NRXN1: variants seen among roughly 807,000 people sequenced by gnomAD.
NRXN1 encodes neurexin-1.
A neutral mutation model predicts 150.9 loss-of-function variants in NRXN1; 39 were observed. The ratio of observed to expected loss-of-function variants is 0.26; its 90% CI spans 0.20 to 0.34. The LOEUF is 0.34. NRXN1 is among the 10% of genes least tolerant of loss of function. The pLI, the probability that NRXN1 is intolerant of heterozygous loss-of-function variation, is 1.00. For synonymous variants in NRXN1, 924 were observed against 757.0 expected (o/e 1.22, Z -3.62); for missense variants, 1,815 against 1,949.9 (o/e 0.93, Z 1.30).
chr2:50,877,331 T>A (rs1678752826), intron 5 of NRXN1, among the ~76,000 whole-genome samples: 1 of 151,916 alleles, frequency 6.6e-6, no homozygotes, highest in African/African-American at 2.4e-5. Context: ...TCCGTTCTAG[T>A]CTCAGTGCTT....
At position 49,922,235 on chromosome 2, in the gene NRXN1, T is replaced by G. The variant is rs199973187; in HGVS notation, c.4233A>C (p.Ala1411=). The change falls in exon 23 of 23, where the codon GCA becomes GCC. Residue 1411 remains alanine (A), a synonymous_variant. Transcript: ENST00000401669. ...SSGGLANPTR[A]GGREPYPGSA... ...AGCCTGGATACGGCTCTCTGCCGCC[T>G]GCTCGGGTTGGGTTGGCTATAGAAA... 20 of 1,613,730 alleles carry G rather than the reference T, an allele frequency of 1.2e-5. No individual in the cohort carries two copies. Among genetic ancestry groups the G allele is most frequent in the Non-Finnish European group, 8.5e-7 (1 of 1,179,866 alleles).
chr2:50,956,266 A>G (rs1388934473), intron 2 of NRXN1, among the ~76,000 whole-genome samples: 1 of 152,170 alleles, frequency 6.6e-6, no homozygotes, highest in Non-Finnish European at 1.5e-5. Context: ...TATTTTATAA[A>G]TGAAATTTTG....
intron 5 of NRXN1, among the ~76,000 whole-genome samples, chr2:50,690,011 G>C (rs981994727): frequency 3.3e-5 from 5 of 151,732 alleles, no homozygotes; most frequent in Non-Finnish European, 5.9e-5. Flanking sequence ...CTCAGCCCTG[G>C]GAGTAGGTGG....
chr2:50,417,404 T>G (rs2083623116), intron 17 of NRXN1: 1 of 152,158 alleles, frequency 6.6e-6, no homozygotes, highest in Non-Finnish European at 1.5e-5. Flanking sequence ...TTTGTTTTCC[T>G]AAAGCTTCTG....
chr2:50,245,150 C>A (rs2066379326), intron 17 of NRXN1, among the ~76,000 whole-genome samples: 1 of 151,898 alleles, frequency 6.6e-6, no homozygotes, highest in Admixed American at 6.6e-5. Flanking sequence ...CCTCCAGGAA[C>A]AGTTGAGTTC....
intron 18 of NRXN1, among the ~76,000 whole-genome samples, chr2:50,113,911 G>A (rs567965115): frequency 4.6e-5 from 7 of 152,206 alleles, no homozygotes; most frequent in East Asian, 1.9e-4. Flanking sequence ...GTATCTCTAT[G>A]TACACAGGAG....
intron 18 of NRXN1, among the ~76,000 whole-genome samples, chr2:50,133,651 A>C (rs1055309815): frequency 3.3e-5 from 5 of 152,230 alleles, no homozygotes; most frequent in Non-Finnish European, 7.3e-5. Context: ...AAGGGAGAAG[A>C]AAAACTTCTA....
At chr2:49,975,260 TAGAAGAAAAATTA>T (rs1172562933) in intron 21 of NRXN1, among the ~76,000 whole-genome samples, 71 of 152,050 alleles carry the variant, frequency 4.7e-4, no homozygotes, top group Admixed American at 4.6e-3. Flanking sequence ...ATAAAATTTC[TAGAAGAAAAATTA>T]CCCTAGCCAC....
intron 17 of NRXN1, among the ~76,000 whole-genome samples, chr2:50,457,067 CAGAA>C (rs1337406952): frequency 2.0e-5 from 3 of 152,174 alleles, no homozygotes; most frequent in Admixed American, 1.3e-4. Flanking sequence ...TTGAGAAACT[CAGAA>C]AGGCTGTCAT....
rs1677253907 is a variant in NRXN1, at chr2:50,607,096, A to T, written c.1320+12926T>A. On this transcript the variant is annotated intron_variant, in intron 8 of 22. Transcript: ENST00000401669. ...TAGCCTCCAAACACAAATTCAGTTT[A>T]GGGGAAGATAGTGTGAAAAGGGATA... 2.6e-5 allele frequency among the ~76,000 whole-genome samples: 4 copies of T among 152,296 alleles called. No individual in the cohort carries two copies. The South Asian group carries it at 8.3e-4, about 32-fold the overall frequency.
chr2:50,253,182 G>C (rs1482589719), intron 17 of NRXN1, among the ~76,000 whole-genome samples: 1 of 152,026 alleles, frequency 6.6e-6, no homozygotes, highest in African/African-American at 2.4e-5. Flanking sequence ...AATTGTGAAT[G>C]GGAGTTCATT....
At chr2:49,948,186 T>G (rs1014055278) in intron 21 of NRXN1, among the ~76,000 whole-genome samples, 1 of 152,084 alleles carries the variant, frequency 6.6e-6, no homozygotes, top group Non-Finnish European at 1.5e-5. Context: ...TGTGACTCAG[T>G]GGGTAGTGTT....
At chr2:50,284,242 C>A (rs1292673051) in intron 17 of NRXN1, among the ~76,000 whole-genome samples, 2 of 152,136 alleles carry the variant, frequency 1.3e-5, no homozygotes, top group African/African-American at 4.8e-5. Flanking sequence ...AGTGGTATTT[C>A]TCTTCATGTC....
chr2:50,941,054 T>C (rs1052101750), intron 2 of NRXN1, among the ~76,000 whole-genome samples: 77 of 152,170 alleles, frequency 5.1e-4, no homozygotes, highest in African/African-American at 1.5e-3. Context: ...GTTCTCATGA[T>C]AGAATTCTTA....
At chr2:50,613,067 T>C (rs1161234095) in intron 8 of NRXN1, among the ~76,000 whole-genome samples, 5 of 152,218 alleles carry the variant, frequency 3.3e-5, no homozygotes, top group African/African-American at 1.2e-4. Context: ...TCAAAGCCTT[T>C]GACATTTCCA....
At chr2:50,537,761 C>A (rs1312978043) in intron 10 of NRXN1, among the ~76,000 whole-genome samples, 1 of 152,112 alleles carries the variant, frequency 6.6e-6, no homozygotes, top group Admixed American at 6.5e-5. Context: ...GAGGATATTG[C>A]CTCTTTTGTA....
intron 5 of NRXN1, among the ~76,000 whole-genome samples, chr2:50,892,359 T>C (rs541800922): frequency 2.6e-5 from 4 of 152,296 alleles, no homozygotes; most frequent in East Asian, 1.9e-4. Context: ...TACTCAGCTA[T>C]TGGGAATTGA....
At chr2:50,300,545 T>C (rs1366835621) in intron 17 of NRXN1, among the ~76,000 whole-genome samples, 1 of 152,106 alleles carries the variant, frequency 6.6e-6, no homozygotes, top group Non-Finnish European at 1.5e-5. Context: ...GGCCATACAA[T>C]ATAAAGAAGG....
chr2:50,009,503 A>G (rs1363038), intron 21 of NRXN1, among the ~76,000 whole-genome samples: 71,534 of 152,004 alleles, frequency 0.47, 17,465 homozygotes, highest in Middle Eastern at 0.61. Flanking sequence ...AGCTGTCCTC[A>G]GTGGCTTTCA....
Sources: allele counts gnomAD v4.1 joint callset (sites outside exome capture counted in the v4.1 genomes callset), GRCh38; gene constraint gnomAD v4.1.1; transcripts MANE v1.5; gene names NCBI Gene and HGNC (gene_info 2026-07-23, HGNC 2026-07-21).